Variants in ST7L observed in about 807,000 individuals in gnomAD.
ST7L encodes the protein suppressor of tumorigenicity 7 protein-like.
A neutral mutation model predicts 72.5 loss-of-function variants in ST7L; 57 were observed. The observed-to-expected ratio is 0.79, with a 90% CI of 0.64 to 0.98. The LOEUF is 0.98. Ranked by LOEUF, ST7L falls within the 50% of genes least tolerant of loss-of-function variation. ST7L has a pLI of 0.00. For synonymous variants in ST7L, 221 were observed against 240.9 expected (o/e 0.92, Z 0.77); for missense variants, 576 against 672.2 (o/e 0.86, Z 1.58).
rs1326749499 is a variant in ST7L, at chr1:112,583,830, A to T, written c.856+142T>A. On this transcript the variant is annotated intron_variant, in intron 7 of 14. Transcript: ENST00000358039. The stretch of plus-strand genomic sequence containing the variant: ...ACACATTTCTGTCTTGCTGGCTTGT[A>T]GGTATTGTGAATAGATTAGTTATTT... The T allele has an allele frequency of 3.4e-6, 3 of 886,826 alleles. No individual in the cohort carries two copies. In the East Asian group the frequency reaches 8.0e-5, roughly 24 times the overall value. The allele number at this position is 886,826 out of a possible 1,614,324, so 54.9% of individuals were successfully genotyped here. A position where few individuals can be genotyped will look rare whatever the true frequency, so the allele number is the denominator to read the frequency against.
chr1:112,563,100 A>T (rs1382648279), intron 11 of ST7L, among the ~76,000 whole-genome samples: 1 of 142,578 alleles, frequency 7.0e-6, no homozygotes, highest in Non-Finnish European at 1.5e-5. Flanking sequence ...CTTTTGTTAT[A>T]ATAATAATAA....
intron 12 of ST7L, among the ~76,000 whole-genome samples, chr1:112,553,233 A>AACACACACACACACACACAC (rs71584746): frequency 4.2e-4 from 63 of 149,492 alleles, no homozygotes; most frequent in African/African-American, 1.5e-3. Flanking sequence ...CTTTTCTTTA[A>AACACACACACACACACACAC]ACACACACAC....
intron 11 of ST7L, chr1:112,570,736 C>T (rs1371110564): frequency 4.4e-6 from 2 of 456,370 alleles, no homozygotes; most frequent in South Asian, 3.1e-5. Context: ...AGGGTCTGTA[C>T]ATACTTCATC....
At position 112,551,804 on chromosome 1, in the gene ST7L, T is replaced by C. The variant is rs566798319; in HGVS notation, c.1397-1111A>G. Among the ~76,000 whole-genome samples, 16 of 152,372 alleles carry C rather than the reference T, an allele frequency of 1.1e-4. No individual in the cohort carries two copies. In the South Asian group the frequency reaches 3.3e-3, roughly 32 times the overall value. On this transcript the variant is annotated intron_variant, in intron 12 of 14. Coordinates refer to ENST00000358039, the MANE Select transcript of ST7L (RefSeq NM_017744.5). Reference sequence around the variant, plus strand: ...AATAGGTTCTTGGAAACTGTGACTTTAAATGAAATGTCATATAATAAAACC... The same window carrying C: ...AATAGGTTCTTGGAAACTGTGACTTCAAATGAAATGTCATATAATAAAACC...
chr1:112,619,557 A>ATC, upstream of ST7L: 1 of 534,188 alleles, frequency 1.9e-6, no homozygotes, highest in Non-Finnish European at 3.3e-6. Context: ...CCAGAAGCCA[A>ATC]GAATAATCGA....
intron 5 of ST7L, among the ~76,000 whole-genome samples, chr1:112,596,756 G>A (rs1666541091): frequency 6.6e-6 from 1 of 151,926 alleles, no homozygotes; most frequent in Non-Finnish European, 1.5e-5. Flanking sequence ...TCCCACCTCA[G>A]CCTCCCGAGT....
chr1:112,568,988 T>G (rs116088976), intron 11 of ST7L, among the ~76,000 whole-genome samples: 1,754 of 151,090 alleles, frequency 0.012, 35 homozygotes, highest in African/African-American at 0.04. Context: ...ATATCATTAG[T>G]CATTAGGGAA....
intron 13 of ST7L, 71 bp from the exon 14 acceptor site, chr1:112,542,161 A>T: frequency 7.2e-7 from 1 of 1,393,792 alleles, no homozygotes. Flanking sequence ...ATCTTTTCAA[A>T]TGAAATCTGT....
chr1:112,596,730 G>A (rs1041292459), intron 5 of ST7L, among the ~76,000 whole-genome samples: 2 of 151,694 alleles, frequency 1.3e-5, no homozygotes, highest in South Asian at 2.1e-4. Flanking sequence ...CTCCACCTCC[G>A]GGATTCAAGT....
chr1:112,611,643 TA>T (rs1421331868), intron 2 of ST7L, among the ~76,000 whole-genome samples: 3 of 152,084 alleles, frequency 2.0e-5, no homozygotes, highest in Non-Finnish European at 4.4e-5. Context: ...ATCACTGATA[TA>T]AAAAGAGAAA....
At chr1:112,608,398 CTCTT>C (rs1315046764) in intron 3 of ST7L, among the ~76,000 whole-genome samples, 1 of 152,112 alleles carries the variant, frequency 6.6e-6, no homozygotes, top group African/African-American at 2.4e-5. Flanking sequence ...TAACTGACCA[CTCTT>C]TCTTTTCTGT....
At chr1:112,603,213 T>C (rs1421631670) in intron 3 of ST7L, among the ~76,000 whole-genome samples, 1 of 151,908 alleles carries the variant, frequency 6.6e-6, no homozygotes, top group Non-Finnish European at 1.5e-5. Flanking sequence ...AACAAGTGAG[T>C]TTTTTCGTAT....
At chr1:112,597,572 T>C (rs185415861) in intron 5 of ST7L, among the ~76,000 whole-genome samples, 1 of 152,354 alleles carries the variant, frequency 6.6e-6, no homozygotes, top group East Asian at 1.9e-4. Context: ...TATGTATCTC[T>C]AACTCACGAC....
intron 11 of ST7L, 29 bp from the exon 12 acceptor site, chr1:112,556,047 C>T (rs1462390405): frequency 4.2e-6 from 6 of 1,418,208 alleles, no homozygotes; most frequent in Non-Finnish European, 5.6e-6. Context: ...GACACATATA[C>T]ACACAACAGA....
intron 5 of ST7L, among the ~76,000 whole-genome samples, chr1:112,596,676 C>T (rs141649939): frequency 6.6e-6 from 1 of 151,694 alleles, no homozygotes; most frequent in Non-Finnish European, 1.5e-5. Context: ...CTCACTCTGT[C>T]GCCTAGGCTA....
chr1:112,564,929 T>A (rs1014990482), intron 11 of ST7L, among the ~76,000 whole-genome samples: 9 of 151,932 alleles, frequency 5.9e-5, no homozygotes, highest in Non-Finnish European at 2.9e-5. Context: ...TTTCTATGTA[T>A]CAATTTATTT....
In ST7L at chr1:112,551,298, G is replaced by A. The variant is rs371318025; in HGVS notation, c.1397-605C>T. 2.9e-3 allele frequency among the ~76,000 whole-genome samples: 434 copies of A among 151,860 alleles called. 1 individual carries two copies. The highest frequency in any genetic ancestry group is 1.0e-2 in the African/African-American group (412 of 41,396). On this transcript the variant is annotated intron_variant, in intron 12 of 14. Coordinates refer to ENST00000358039, the MANE Select transcript of ST7L (RefSeq NM_017744.5). ...TGAGTAGCTGGGACTACAGGTGCCC[G>A]CCACCACACCTGGCTAATTTTTTGT...
chr1:112,616,765 C>T (rs187246713), intron 2 of ST7L, 48 bp downstream of exon 2: 3 of 1,362,780 alleles, frequency 2.2e-6, no homozygotes, highest in Non-Finnish European at 3.1e-6. Flanking sequence ...AAAAAAATAT[C>T]TTTAGATAAA....
At chr1:112,612,004 C>G (rs1669147020) in intron 2 of ST7L, among the ~76,000 whole-genome samples, 1 of 148,612 alleles carries the variant, frequency 6.7e-6, no homozygotes, top group Non-Finnish European at 1.5e-5. Flanking sequence ...AGTCACCTGA[C>G]AGACTAGTCT....
Sources: gnomAD v4.1 joint callset for allele counts (sites outside exome capture counted in the v4.1 genomes callset) on GRCh38, gnomAD v4.1.1 for gene constraint, MANE v1.5 for transcripts, NCBI Gene and HGNC (gene_info 2026-07-23, HGNC 2026-07-21) for gene names.